Variants in CCDC169 observed in about 807,000 individuals in gnomAD.
CCDC169 encodes coiled-coil domain containing 169.
Under a neutral mutation model 36.0 loss-of-function variants are expected in CCDC169, and 30 were observed. That is an observed-to-expected ratio of 0.83 (90% CI 0.62 to 1.13). The LOEUF is 1.13. CCDC169 is among the 50% of genes most tolerant of loss of function. CCDC169 has a pLI of 0.00. For synonymous variants in CCDC169, 85 were observed against 81.5 expected, an observed-to-expected ratio of 1.04 and a Z score of -0.23; for missense variants, 245 against 245.9, an observed-to-expected ratio of 1.00 and a Z score of 0.03.
At chr13:36,296,744 A>G (rs1879544689) in intron 1 of CCDC169, among the ~76,000 whole-genome samples, 1 of 152,256 alleles carries the variant, frequency 6.6e-6, no homozygotes, top group African/African-American at 2.4e-5. Context: ...TGCGTATCAC[A>G]AGCCAATGCT....
At chr13:36,244,720 A>G (rs9546866) in intron 7 of CCDC169, 61,490 of 151,894 alleles carry the variant, frequency 0.4, 13,231 homozygotes, top group Non-Finnish European at 0.48. Context: ...TATATTAGCC[A>G]TAAGTACAAA....
In CCDC169 at chr13:36,254,056, G is replaced by A; in HGVS notation, c.403C>T (p.Gln135Ter). 1 of 1,544,104 alleles carries A rather than the reference G, an allele frequency of 6.5e-7. No individual in the cohort carries two copies. The highest frequency in any genetic ancestry group is 1.2e-5 in the South Asian group (1 of 82,106). ...GAGTAAAAACAAACCTTTGATTCTT[G>A]TTCCAGTTTAAGTGCATAGTATTTC... ...QVKYYALKLE[Q>*]ESKAYQKINN... Residue 135 changes from glutamine (Q) to a stop codon, truncating the protein, a stop_gained, in exon 5 of 8, where the codon CAA (glutamine) becomes TAA (stop). Coordinates refer to ENST00000239859, the MANE Select transcript of CCDC169 (RefSeq NM_001144981.3). LOFTEE classifies it high-confidence loss of function.
At chr13:36,294,280 G>A (rs1388427870) in intron 2 of CCDC169, among the ~76,000 whole-genome samples, 1 of 152,188 alleles carries the variant, frequency 6.6e-6, no homozygotes, top group African/African-American at 2.4e-5. Context: ...GTTATTGCAT[G>A]TGTACCTGTG....
At chr13:36,256,692 A>G (rs1873925843) in intron 4 of CCDC169, among the ~76,000 whole-genome samples, 1 of 152,124 alleles carries the variant, frequency 6.6e-6, no homozygotes, top group Non-Finnish European at 1.5e-5. Flanking sequence ...GACCTCCAGC[A>G]TGGGTGATAT....
intron 4 of CCDC169, among the ~76,000 whole-genome samples, chr13:36,276,445 T>C (rs942264075): frequency 6.6e-6 from 1 of 152,216 alleles, no homozygotes; most frequent in African/African-American, 2.4e-5. Flanking sequence ...ATCAAGAGTC[T>C]TCCAGAGAAT....
At chr13:36,283,419 G>T in intron 4 of CCDC169, 50 bp downstream of exon 4, 1 of 1,475,944 alleles carries the variant, frequency 6.8e-7, no homozygotes, top group Non-Finnish European at 9.2e-7. Flanking sequence ...GGAAAAAATA[G>T]ACATAATTTC....
intron 4 of CCDC169, among the ~76,000 whole-genome samples, chr13:36,266,979 C>T (rs1875398216): frequency 6.6e-6 from 1 of 152,142 alleles, no homozygotes; most frequent in Admixed American, 6.5e-5. Context: ...ATTACATGTA[C>T]AAGGATCATG....
chr13:36,296,557 AT>A, intron 1 of CCDC169, among the ~76,000 whole-genome samples: 1 of 152,242 alleles, frequency 6.6e-6, no homozygotes, highest in Non-Finnish European at 1.5e-5. Flanking sequence ...ACAAACACTA[AT>A]TTAAAAGGTT....
At chr13:36,248,387 C>T (rs937344414) in intron 7 of CCDC169, among the ~76,000 whole-genome samples, 5 of 151,620 alleles carry the variant, frequency 3.3e-5, no homozygotes, top group African/African-American at 1.2e-4. Flanking sequence ...AATATATTAT[C>T]GTGCTTGAGG....
At chr13:36,226,608 A>C (rs1173217874), downstream of CCDC169, 1 of 152,210 alleles carries the variant, frequency 6.6e-6, no homozygotes, top group African/African-American at 2.4e-5. Context: ...GGAATACTAC[A>C]CAGTCATAAA....
intron 6 of CCDC169, among the ~76,000 whole-genome samples, chr13:36,250,496 T>C (rs911118431): frequency 6.6e-6 from 1 of 152,226 alleles, no homozygotes; most frequent in Non-Finnish European, 1.5e-5. Flanking sequence ...GTTAAGACTT[T>C]GGTAACTATG....
intron 4 of CCDC169, among the ~76,000 whole-genome samples, chr13:36,276,958 T>C (rs563798227): frequency 6.6e-6 from 1 of 152,204 alleles, no homozygotes; most frequent in East Asian, 1.9e-4. Flanking sequence ...TCTGGGGAAA[T>C]CCTCAGAACG....
intron 2 of CCDC169, among the ~76,000 whole-genome samples, chr13:36,284,533 T>C (rs1467307151): frequency 6.6e-6 from 1 of 152,210 alleles, no homozygotes; most frequent in Non-Finnish European, 1.5e-5. Flanking sequence ...CATTTAGCTA[T>C]CTTCTCAGGC....
intron 4 of CCDC169, chr13:36,282,610 C>T (rs1349458637): frequency 7.0e-6 from 6 of 855,742 alleles, no homozygotes; most frequent in Middle Eastern, 5.8e-4. Flanking sequence ...TCCCACTCTT[C>T]GTTGTGCTAA....
chr13:36,269,066 T>C (rs978620063), intron 4 of CCDC169, among the ~76,000 whole-genome samples: 5 of 151,634 alleles, frequency 3.3e-5, no homozygotes, highest in African/African-American at 7.3e-5. Context: ...ATTGTGCCAC[T>C]GCACTCCAGC....
intron 6 of CCDC169, among the ~76,000 whole-genome samples, chr13:36,251,269 T>C (rs948373112): frequency 1.9e-4 from 29 of 152,190 alleles, no homozygotes; most frequent in African/African-American, 6.8e-4. Context: ...GTATTCAGCA[T>C]GGGAAGAACT....
At chr13:36,269,747 A>G (rs1875788664) in intron 4 of CCDC169, among the ~76,000 whole-genome samples, 1 of 152,218 alleles carries the variant, frequency 6.6e-6, no homozygotes, top group South Asian at 2.1e-4. Flanking sequence ...AAAACTCTCA[A>G]CAAACTAGAC....
chr13:36,236,043 G>A (rs1462812366), intron 7 of CCDC169, among the ~76,000 whole-genome samples: 1 of 151,932 alleles, frequency 6.6e-6, no homozygotes, highest in African/African-American at 2.4e-5. Flanking sequence ...TCTTGGATTA[G>A]AAGACTTAAT....
At chr13:36,285,646 C>G (rs796708525) in intron 2 of CCDC169, among the ~76,000 whole-genome samples, 48 of 150,390 alleles carry the variant, frequency 3.2e-4, no homozygotes, top group African/African-American at 1.1e-3. Context: ...TACATAGATA[C>G]ATAGATAGAT....
Sources: gnomAD v4.1 joint callset for allele counts (sites outside exome capture counted in the v4.1 genomes callset) on GRCh38, gnomAD v4.1.1 for gene constraint, MANE v1.5 for transcripts, NCBI Gene and HGNC (gene_info 2026-07-23, HGNC 2026-07-21) for gene names.